SUGCT: variants seen among roughly 807,000 people sequenced by gnomAD.
The protein encoded by SUGCT is succinyl-CoA:glutarate CoA-transferase.
SUGCT carries 41 observed loss-of-function variants against 55.0 expected under a neutral mutation model. The ratio of observed to expected loss-of-function variants is 0.74; its 90% CI spans 0.58 to 0.97. The LOEUF (loss-of-function observed/expected upper bound fraction) is 0.97, where lower values mean the gene tolerates loss of function less well. Among genes scored for constraint, SUGCT ranks in the 50% least tolerant of loss-of-function variants. The probability of loss-of-function intolerance (pLI) is 0.00; values close to 1 mark genes in which losing one functional copy is unlikely to be tolerated. For synonymous variants in SUGCT, 187 were observed against 200.4 expected (o/e 0.93, Z 0.56); for missense variants, 568 against 547.8 (o/e 1.04, Z -0.37).
intron 13 of SUGCT, among the ~76,000 whole-genome samples, chr7:40,779,079 G>A (rs1260153207): frequency 6.6e-6 from 1 of 151,846 alleles, no homozygotes; most frequent in African/African-American, 2.4e-5. Flanking sequence ...GTTCTACACT[G>A]GGTGGTGCTG....
intron 9 of SUGCT, among the ~76,000 whole-genome samples, chr7:40,406,197 GTA>G (rs1423264120): frequency 6.6e-6 from 1 of 152,114 alleles, no homozygotes; most frequent in African/African-American, 2.4e-5. Context: ...ATGATACAGT[GTA>G]CTAGTCTGGA....
chr7:40,663,845 T>A (rs548713146), intron 12 of SUGCT, among the ~76,000 whole-genome samples: 1 of 152,314 alleles, frequency 6.6e-6, no homozygotes, highest in East Asian at 1.9e-4. Flanking sequence ...GATTTCCACC[T>A]TTTATGGTTT....
chr7:40,791,979 T>C (rs1183556013), intron 13 of SUGCT, among the ~76,000 whole-genome samples: 1 of 152,142 alleles, frequency 6.6e-6, no homozygotes, highest in Non-Finnish European at 1.5e-5. Flanking sequence ...CCCACACACA[T>C]GGAGATCATG....
chr7:40,746,558 A>G (rs1474320111), intron 12 of SUGCT, among the ~76,000 whole-genome samples: 2 of 152,226 alleles, frequency 1.3e-5, no homozygotes, highest in African/African-American at 4.8e-5. Flanking sequence ...TTTTTGCTTA[A>G]AACGGAATGG....
intron 9 of SUGCT, among the ~76,000 whole-genome samples, chr7:40,340,615 G>A (rs1341955465): frequency 2.0e-5 from 3 of 152,142 alleles, no homozygotes; most frequent in Non-Finnish European, 4.4e-5. Context: ...AAAGTAGGGG[G>A]AAAAAGTAGG....
At chr7:40,497,438 G>A (rs936341802) in intron 12 of SUGCT, among the ~76,000 whole-genome samples, 2 of 151,910 alleles carry the variant, frequency 1.3e-5, no homozygotes, top group Admixed American at 6.6e-5. Flanking sequence ...CTATTTTTTC[G>A]GCCAAGATTG....
At chr7:40,864,867 T>C (rs1452381218), downstream of SUGCT, among the ~76,000 whole-genome samples, 2 of 152,066 alleles carry the variant, frequency 1.3e-5, no homozygotes, top group Non-Finnish European at 1.5e-5. Flanking sequence ...GCTCAAACAC[T>C]AGCCAGATAT....
At chr7:40,277,661 A>C (rs1330965254) in intron 8 of SUGCT, among the ~76,000 whole-genome samples, 1 of 131,322 alleles carries the variant, frequency 7.6e-6, no homozygotes, top group Non-Finnish European at 1.6e-5. Flanking sequence ...AATTTAACAG[A>C]TAATTTGTTC....
At chr7:40,946,385 G>C in the SUGCT span, among the ~76,000 whole-genome samples, 42 of 152,128 alleles carry the variant, frequency 2.8e-4, no homozygotes, top group African/African-American at 9.9e-4. Context: ...GATACAAGCT[G>C]TGGTTCCAGT....
At chr7:40,631,791 C>T (rs2151810418) in intron 12 of SUGCT, among the ~76,000 whole-genome samples, 1 of 152,246 alleles carries the variant, frequency 6.6e-6, no homozygotes, top group East Asian at 1.9e-4. Context: ...TCTCATAGGA[C>T]ATAGCTAGAA....
chr7:40,233,129 A>AATAAT (rs2150864411), intron 6 of SUGCT, among the ~76,000 whole-genome samples: 1 of 152,120 alleles, frequency 6.6e-6, no homozygotes, highest in East Asian at 1.9e-4. Flanking sequence ...TATTCATAGT[A>AATAAT]CTGGTAGTCA....
At chr7:40,800,673 G>A (rs185919412) in intron 13 of SUGCT, among the ~76,000 whole-genome samples, 8 of 152,174 alleles carry the variant, frequency 5.3e-5, no homozygotes, top group Admixed American at 4.6e-4. Context: ...ACCACTTACT[G>A]TAGACTCAAG....
intron 12 of SUGCT, among the ~76,000 whole-genome samples, chr7:40,598,763 C>G (rs1798151524): frequency 6.6e-6 from 1 of 152,096 alleles, no homozygotes; most frequent in Non-Finnish European, 1.5e-5. Context: ...TAACTTTGAC[C>G]AATGAATGAC....
In SUGCT at chr7:40,786,143, G is replaced by A. The variant is rs556022977; in HGVS notation, c.1153+36646G>A. Among the ~76,000 whole-genome samples the A allele has an allele frequency of 3.5e-4, 54 of 152,226 alleles. 1 individual carries two copies. The highest frequency in any genetic ancestry group is 2.4e-3 in the Admixed American group (36 of 15,278). The stretch of plus-strand genomic sequence containing the variant: ...AAGAAAAAATCTTAGCTTGCATAAT[G>A]CCTTGAATTTTCCTATGGAAGGTCA... On this transcript the variant is annotated intron_variant, in intron 13 of 13. Coordinates refer to ENST00000335693, the MANE Select transcript of SUGCT (RefSeq NM_001193313.2).
intron 12 of SUGCT, among the ~76,000 whole-genome samples, chr7:40,569,960 T>C (rs1010647723): frequency 1.1e-4 from 16 of 152,200 alleles, no homozygotes; most frequent in Non-Finnish European, 1.9e-4. Context: ...GTATCCAAAG[T>C]TGATGATATG....
At chr7:40,607,579 G>A (rs1798589238) in intron 12 of SUGCT, among the ~76,000 whole-genome samples, 1 of 152,180 alleles carries the variant, frequency 6.6e-6, no homozygotes, top group Non-Finnish European at 1.5e-5. Context: ...TTTAGCCACA[G>A]AGCTCAGTTC....
At chr7:40,780,775 C>CTTTTTT (rs34455435) in intron 13 of SUGCT, among the ~76,000 whole-genome samples, 2 of 134,804 alleles carry the variant, frequency 1.5e-5, no homozygotes, top group African/African-American at 2.8e-5. Flanking sequence ...TCTTCTTCTT[C>CTTTTTT]TTTTTTTTTT....
intron 11 of SUGCT, among the ~76,000 whole-genome samples, chr7:40,484,348 T>C (rs1791216510): frequency 6.6e-6 from 1 of 152,140 alleles, no homozygotes; most frequent in Non-Finnish European, 1.5e-5. Context: ...GTTGCCAATA[T>C]TATGAGACAT....
intron 11 of SUGCT, among the ~76,000 whole-genome samples, chr7:40,475,633 A>C (rs866812234): frequency 6.6e-6 from 1 of 152,022 alleles, no homozygotes; most frequent in African/African-American, 2.4e-5. Context: ...TTGAGCTTGA[A>C]CTCTGTGAAG....
Sources: gnomAD v4.1 joint callset for allele counts (sites outside exome capture counted in the v4.1 genomes callset) on GRCh38, gnomAD v4.1.1 for gene constraint, MANE v1.5 for transcripts, NCBI Gene and HGNC (gene_info 2026-07-23, HGNC 2026-07-21) for gene names.